The following DOCK2 variants were observed in gnomAD, a reference collection of about 807,000 sequenced individuals.
DOCK2 encodes the protein dedicator of cytokinesis 2, also known as dedicator of cytokinesis protein 2.
DOCK2 carries 87 observed loss-of-function variants against 248.9 expected under a neutral mutation model. The observed-to-expected ratio is 0.35, with a 90% CI of 0.29 to 0.42. The LOEUF (loss-of-function observed/expected upper bound fraction) is 0.42, where lower values mean the gene tolerates loss of function less well. Ranked by LOEUF, DOCK2 falls within the 10% of genes least tolerant of loss-of-function variation. The pLI, the probability that DOCK2 is intolerant of heterozygous loss-of-function variation, is 1.00. For synonymous variants in DOCK2, 805 were observed against 821.6 expected, an observed-to-expected ratio of 0.98 and a Z score of 0.35; for missense variants, 1,747 against 2,300.2, an observed-to-expected ratio of 0.76 and a Z score of 4.92.
intron 27 of DOCK2, among the ~76,000 whole-genome samples, chr5:169,938,757 CAG>C (rs1776101376): frequency 6.6e-6 from 1 of 152,194 alleles, no homozygotes; most frequent in Non-Finnish European, 1.5e-5. Context: ...TTAACCATAG[CAG>C]AGTGTAACTT....
intron 1 of DOCK2, among the ~76,000 whole-genome samples, chr5:169,643,927 G>C (rs1757298331): frequency 6.6e-6 from 1 of 152,192 alleles, no homozygotes; most frequent in African/African-American, 2.4e-5. Context: ...AGTGTCAGCT[G>C]AACCTTGAGG....
chr5:169,867,031 C>T (rs552889812), intron 27 of DOCK2, among the ~76,000 whole-genome samples: 1 of 152,334 alleles, frequency 6.6e-6, no homozygotes, highest in South Asian at 2.1e-4. Flanking sequence ...AGTTGGGGTT[C>T]CCAAAACCCC....
At chr5:169,819,775 A>G (rs1768304793) in intron 26 of DOCK2, among the ~76,000 whole-genome samples, 1 of 152,190 alleles carries the variant, frequency 6.6e-6, no homozygotes, top group African/African-American at 2.4e-5. Context: ...CAGTGAGTGC[A>G]GGACAGTGGG....
chr5:169,874,006 C>T (rs1002355913), intron 27 of DOCK2, among the ~76,000 whole-genome samples: 2 of 152,176 alleles, frequency 1.3e-5, no homozygotes, highest in African/African-American at 2.4e-5. Context: ...AACGAGAATG[C>T]TGGTTGCTAG....
At chr5:169,738,066 G>A (rs1189671586) in intron 22 of DOCK2, among the ~76,000 whole-genome samples, 1 of 152,216 alleles carries the variant, frequency 6.6e-6, no homozygotes, top group Non-Finnish European at 1.5e-5. Flanking sequence ...GGTTTGGACT[G>A]AATTAGAGGA....
intron 25 of DOCK2, among the ~76,000 whole-genome samples, chr5:169,787,221 G>C (rs1284884578): frequency 1.3e-5 from 2 of 152,180 alleles, no homozygotes; most frequent in African/African-American, 4.8e-5. Flanking sequence ...AAGTACATTA[G>C]AGGAATGAGA....
intron 27 of DOCK2, among the ~76,000 whole-genome samples, chr5:169,951,063 T>C (rs931565677): frequency 6.6e-6 from 1 of 152,220 alleles, no homozygotes; most frequent in African/African-American, 2.4e-5. Context: ...ACCACAGTGA[T>C]TGGCTGGAGC....
chr5:169,780,344 A>G (rs1000274371), intron 25 of DOCK2, among the ~76,000 whole-genome samples: 32 of 145,200 alleles, frequency 2.2e-4, no homozygotes, highest in African/African-American at 8.4e-4. Flanking sequence ...TGTGTGTTGA[A>G]TCGTTCTAAC....
At chr5:169,677,111 T>A (rs1474718878) in intron 6 of DOCK2, among the ~76,000 whole-genome samples, 1 of 152,128 alleles carries the variant, frequency 6.6e-6, no homozygotes, top group Non-Finnish European at 1.5e-5. Context: ...CTTTATCAAC[T>A]AAGATGGACT....
chr5:169,827,867 AACACAC>A (rs143420412), intron 26 of DOCK2, among the ~76,000 whole-genome samples: 2 of 150,460 alleles, frequency 1.3e-5, no homozygotes, highest in African/African-American at 4.9e-5. Flanking sequence ...AAACATTAAA[AACACAC>A]ACACACACAC....
In DOCK2 at chr5:169,800,944, C is replaced by CTTTTTTTTTTTTTTTTTTTTTTTTTTTT. The variant is rs60140740; in HGVS notation, c.2555-2112_2555-2085dup. The stretch of plus-strand genomic sequence containing the variant: ...TTTTTCTTTTTTCTTTTCTTTCTTT[C>CTTTTTTTTTTTTTTTTTTTTTTTTTTTT]TTTTTTTTTTTTTTTTTTTTTTTTT... On this transcript the variant is annotated intron_variant, in intron 25 of 51. Transcript: ENST00000520908. 5.3e-4 allele frequency among the ~76,000 whole-genome samples: 28 copies of CTTTTTTTTTTTTTTTTTTTTTTTTTTTT among 53,190 alleles called. 2 individuals carry two copies. Among genetic ancestry groups the CTTTTTTTTTTTTTTTTTTTTTTTTTTTT allele is most frequent in the East Asian group, 2.0e-3 (3 of 1,538 alleles). 34.9% of individuals were successfully genotyped at this position (53,190 alleles called of 152,430 possible).
At chr5:169,859,241 G>A (rs1246197001) in intron 27 of DOCK2, among the ~76,000 whole-genome samples, 2 of 152,182 alleles carry the variant, frequency 1.3e-5, no homozygotes, top group Non-Finnish European at 2.9e-5. Flanking sequence ...GAGTTCTGTA[G>A]GAGGCAGAGA....
In DOCK2 at chr5:170,034,500, G is replaced by A. The variant is rs762050818; in HGVS notation, c.3569G>A (p.Gly1190Asp). ...CTGGAGAAGCTGCTGGATTACCGGG[G>A]TGTGATGACAGATGAGAGCAAAGAC... Reference protein sequence around the residue: ...GLLEKLLDYRGVMTDESKDNR... With the variant: ...GLLEKLLDYRDVMTDESKDNR... Residue 1190 changes from glycine to aspartate, a missense_variant, in exon 35 of 52, where the codon GGT (glycine) becomes GAT (aspartate). Gly to Asp is a moderately conservative substitution (Grantham distance 94). Around this residue, in one of 4 missense-constraint regions of DOCK2, gnomAD observed 858 missense variants for 1,183.5 expected, o/e 0.72. Transcript: ENST00000520908. 5 of 1,614,188 alleles carry A rather than the reference G, an allele frequency of 3.1e-6. No homozygotes were observed. Among genetic ancestry groups the A allele is most frequent in the South Asian group, 2.2e-5 (2 of 91,076 alleles).
chr5:169,992,232 G>A (rs1778226334), intron 29 of DOCK2, among the ~76,000 whole-genome samples: 1 of 152,194 alleles, frequency 6.6e-6, no homozygotes, highest in African/African-American at 2.4e-5. Context: ...ACAGAGGAAA[G>A]AATCCATGCA....
At chr5:169,954,213 T>A (rs897577872) in intron 27 of DOCK2, among the ~76,000 whole-genome samples, 1 of 152,248 alleles carries the variant, frequency 6.6e-6, no homozygotes, top group Admixed American at 6.5e-5. Context: ...TGGCTGTGAC[T>A]AACTCATGGC....
intron 22 of DOCK2, 93 bp from the exon 23 acceptor site, chr5:169,747,303 G>T: frequency 1.7e-6 from 2 of 1,184,454 alleles, no homozygotes; most frequent in Admixed American, 2.5e-5. Context: ...ACTCCTTTTT[G>T]TTTTAAATTT....
At chr5:169,839,859 G>C (rs1336757885) in intron 26 of DOCK2, among the ~76,000 whole-genome samples, 2 of 152,252 alleles carry the variant, frequency 1.3e-5, no homozygotes, top group Admixed American at 1.3e-4. Context: ...GTGGCTTCCT[G>C]CTGTGGCTGA....
intron 27 of DOCK2, chr5:169,882,617 C>T: frequency 6.4e-7 from 1 of 1,551,824 alleles, no homozygotes; most frequent in Admixed American, 2.0e-5. Flanking sequence ...TTAATTTTCT[C>T]TTGGTTCGAG....
chr5:170,016,865 G>C (rs552600020), intron 32 of DOCK2, among the ~76,000 whole-genome samples: 5 of 152,322 alleles, frequency 3.3e-5, no homozygotes, highest in African/African-American at 9.6e-5. Context: ...CAGAAACCTA[G>C]ATTAGCAATT....
Sources: allele counts gnomAD v4.1 joint callset (sites outside exome capture counted in the v4.1 genomes callset), GRCh38; gene constraint gnomAD v4.1.1; regional missense constraint gnomAD v4.1.1; transcripts MANE v1.5; gene names NCBI Gene and HGNC (gene_info 2026-07-23, HGNC 2026-07-21).